The following LGSN variants were observed in gnomAD, a reference collection of about 807,000 sequenced individuals.
LGSN encodes lengsin.
A neutral mutation model predicts 19.5 loss-of-function variants in LGSN; 21 were observed. The observed-to-expected ratio is 1.07, with a 90% confidence interval of 0.76 to 1.55. The LOEUF (loss-of-function observed/expected upper bound fraction) is 1.55. Among genes scored for constraint, LGSN ranks in the 40% most tolerant of loss-of-function variants. The pLI, the probability that LGSN is intolerant of heterozygous loss-of-function variation, is 0.00. For synonymous variants in LGSN, 257 were observed against 215.6 expected (o/e 1.19, Z -1.68); for missense variants, 673 against 608.5 (o/e 1.11, Z -1.12).
chr6:63,490,192 C>T, the LGSN span, among the ~76,000 whole-genome samples: 1 of 152,326 alleles, frequency 6.6e-6, no homozygotes, highest in South Asian at 2.1e-4. Flanking sequence ...GAAGAGTACA[C>T]TGCCTCTGTC....
chr6:63,330,965 C>T, the LGSN span, among the ~76,000 whole-genome samples: 2 of 152,194 alleles, frequency 1.3e-5, no homozygotes. Context: ...CTGAAAACTT[C>T]CCCAGGTCTG....
At chr6:63,553,496 T>C in the LGSN span, among the ~76,000 whole-genome samples, 1 of 152,210 alleles carries the variant, frequency 6.6e-6, no homozygotes, top group African/African-American at 2.4e-5. Context: ...CAAGACAGGT[T>C]AATGAAAGCC....
At chr6:63,359,065 G>T in the LGSN span, among the ~76,000 whole-genome samples, 4 of 152,242 alleles carry the variant, frequency 2.6e-5, no homozygotes, top group Admixed American at 2.0e-4. Flanking sequence ...TTTGTCAAAG[G>T]CCTTTTCTGC....
the LGSN span, among the ~76,000 whole-genome samples, chr6:63,463,661 C>A: frequency 2.0e-5 from 3 of 152,236 alleles, no homozygotes; most frequent in Non-Finnish European, 4.4e-5. Flanking sequence ...TTTGGGAAAC[C>A]ATGTTGCTGG....
the LGSN span, among the ~76,000 whole-genome samples, chr6:63,468,530 C>G: frequency 3.6e-4 from 55 of 151,866 alleles, no homozygotes; most frequent in Non-Finnish European, 6.6e-4. Context: ...TGGGTACAAG[C>G]GATTCTGTTG....
the LGSN span, among the ~76,000 whole-genome samples, chr6:63,432,961 C>T: frequency 7.2e-6 from 1 of 138,592 alleles, no homozygotes; most frequent in African/African-American, 2.5e-5. Context: ...AAAATCTATG[C>T]TCTTTACCCT....
the LGSN span, among the ~76,000 whole-genome samples, chr6:63,331,332 G>A: frequency 4.6e-5 from 7 of 152,196 alleles, no homozygotes; most frequent in Non-Finnish European, 8.8e-5. Flanking sequence ...CAAGCTGCAG[G>A]ATAGTACTGT....
At chr6:63,416,197 G>A in the LGSN span, among the ~76,000 whole-genome samples, 1 of 151,044 alleles carries the variant, frequency 6.6e-6, no homozygotes, top group South Asian at 2.1e-4. Context: ...TTACTTAGAG[G>A]CAGCACGATT....
At chr6:63,462,643 C>T in the LGSN span, among the ~76,000 whole-genome samples, 1 of 152,164 alleles carries the variant, frequency 6.6e-6, no homozygotes, top group Non-Finnish European at 1.5e-5. Flanking sequence ...GTTCTCTAAG[C>T]CTTATTACCT....
the LGSN span, among the ~76,000 whole-genome samples, chr6:63,385,556 T>G: frequency 1.3e-5 from 2 of 152,226 alleles, no homozygotes; most frequent in African/African-American, 2.4e-5. Context: ...TTTACTCCTT[T>G]ATTACTCATC....
the LGSN span, among the ~76,000 whole-genome samples, chr6:63,417,040 CCT>C: frequency 6.6e-6 from 1 of 151,728 alleles, no homozygotes; most frequent in Non-Finnish European, 1.5e-5. Flanking sequence ...CATGGAAATC[CCT>C]CTTCTTTAAC....
the LGSN span, among the ~76,000 whole-genome samples, chr6:63,382,691 A>G: frequency 6.6e-6 from 1 of 152,178 alleles, no homozygotes; most frequent in Non-Finnish European, 1.5e-5. Flanking sequence ...TATACTTGAT[A>G]ATACATTGTC....
chr6:63,505,690 C>T, the LGSN span, among the ~76,000 whole-genome samples: 211 of 151,522 alleles, frequency 1.4e-3, no homozygotes, highest in Non-Finnish European at 2.6e-3. Context: ...TTTTTTGTTT[C>T]GCTCTGTCGC....
At chr6:63,332,397 G>A in the LGSN span, among the ~76,000 whole-genome samples, 1 of 152,184 alleles carries the variant, frequency 6.6e-6, no homozygotes, top group Admixed American at 6.5e-5. Flanking sequence ...AGATGGGCGA[G>A]TCTCACTTGG....
chr6:63,294,374 A>G (rs1360417983), intron 2 of LGSN, among the ~76,000 whole-genome samples: 1 of 151,924 alleles, frequency 6.6e-6, no homozygotes, highest in Non-Finnish European at 1.5e-5. Context: ...ATAAATAAAT[A>G]ATAAAATCTA....
chr6:63,483,726 T>C, the LGSN span, among the ~76,000 whole-genome samples: 5 of 152,184 alleles, frequency 3.3e-5, no homozygotes, highest in Non-Finnish European at 5.9e-5. Flanking sequence ...CCATGGCTTA[T>C]AGATGGCCAT....
chr6:63,551,441 C>T, the LGSN span, among the ~76,000 whole-genome samples: 36 of 152,178 alleles, frequency 2.4e-4, no homozygotes, highest in Admixed American at 3.9e-4. Context: ...TACTGATTCA[C>T]AAATAGTCAC....
chr6:63,425,865 T>C, the LGSN span, among the ~76,000 whole-genome samples: 1 of 151,962 alleles, frequency 6.6e-6, no homozygotes, highest in South Asian at 2.1e-4. Flanking sequence ...AATTCCAATA[T>C]CTCAGTTGTA....
At chr6:63,454,708 G>C in the LGSN span, among the ~76,000 whole-genome samples, 1 of 151,208 alleles carries the variant, frequency 6.6e-6, no homozygotes, top group East Asian at 1.9e-4. Flanking sequence ...TTGACCTCGT[G>C]ATCCATCTGC....
Sources: allele counts gnomAD v4.1 joint callset (sites outside exome capture counted in the v4.1 genomes callset), GRCh38; gene constraint gnomAD v4.1.1; transcripts MANE v1.5; gene names NCBI Gene and HGNC (gene_info 2026-07-23, HGNC 2026-07-21).